ZNF521: variants seen among roughly 807,000 people sequenced by gnomAD.
ZNF521 encodes the protein zinc finger protein 521, also known as LYST-interacting protein 3.
A neutral mutation model predicts 105.5 loss-of-function variants in ZNF521; 14 were observed. The ratio of observed to expected loss-of-function variants is 0.13; its 90% CI spans 0.09 to 0.21. The LOEUF is 0.21. Among genes scored for constraint, ZNF521 ranks in the 10% least tolerant of loss-of-function variants. The probability of loss-of-function intolerance (pLI) is 1.00; values close to 1 mark genes in which losing one functional copy is unlikely to be tolerated. For missense variants in ZNF521, 1,233 were observed against 1,629.7 expected (o/e 0.76, Z 4.19); for synonymous variants, 635 against 606.0 (o/e 1.05, Z -0.70).
chr18:25,163,931 C>G (rs1033941662), intron 5 of ZNF521, among the ~76,000 whole-genome samples: 2 of 152,000 alleles, frequency 1.3e-5, no homozygotes, highest in South Asian at 4.2e-4. Context: ...TAGGAAGGTC[C>G]CAGAAGGAGT....
chr18:25,257,269 C>G (rs139772841), intron 3 of ZNF521, among the ~76,000 whole-genome samples: 2 of 151,924 alleles, frequency 1.3e-5, no homozygotes, highest in African/African-American at 4.8e-5. Context: ...AAGTTCATAC[C>G]CATTTCAATC....
At chr18:25,211,180 A>G (rs1259701955) in intron 4 of ZNF521, among the ~76,000 whole-genome samples, 2 of 152,248 alleles carry the variant, frequency 1.3e-5, no homozygotes, top group Non-Finnish European at 2.9e-5. Context: ...ACTTGTAGTA[A>G]TGAACAGGTT....
intron 5 of ZNF521, among the ~76,000 whole-genome samples, chr18:25,169,325 G>T (rs1342124370): frequency 6.6e-6 from 1 of 152,058 alleles, no homozygotes; most frequent in East Asian, 1.9e-4. Flanking sequence ...CCCAGTACTG[G>T]TATTTTCAAT....
Position 25,192,698 on chromosome 18 carries a change from A to G in ZNF521, c.3658+2462T>C, listed in dbSNP as rs574142091. Among the ~76,000 whole-genome samples the G allele has an allele frequency of 4.1e-5, 6 of 147,046 alleles. No homozygotes were observed. In the East Asian group the frequency reaches 1.2e-3, roughly 29 times the overall value. On this transcript the variant is annotated intron_variant, in intron 5 of 7. Coordinates refer to ENST00000361524, the MANE Select transcript of ZNF521 (RefSeq NM_015461.3). ...ATTATTTTTTGATTAGACAAAAAAA[A>G]AAAACCACACACAGATACACAACCT... is the stretch of plus-strand genomic sequence containing the variant.
At chr18:25,192,822 T>TA (rs1490012053) in intron 5 of ZNF521, among the ~76,000 whole-genome samples, 6 of 152,102 alleles carry the variant, frequency 3.9e-5, no homozygotes, top group African/African-American at 1.4e-4. Flanking sequence ...TAAAAAGGGG[T>TA]ATCTTAGCCT....
chr18:25,190,406 C>T (rs928401151), intron 5 of ZNF521, among the ~76,000 whole-genome samples: 6 of 152,092 alleles, frequency 3.9e-5, no homozygotes, highest in African/African-American at 1.4e-4. Flanking sequence ...TGATCCATTT[C>T]TATTCATTCT....
In ZNF521 at chr18:25,226,827, G is replaced by A; in HGVS notation, c.1091C>T (p.Ser364Leu). 1 of 1,614,046 alleles carries A rather than the reference G, an allele frequency of 6.2e-7. No individual in the cohort carries two copies. Among genetic ancestry groups the A allele is most frequent in the Non-Finnish European group, 8.5e-7 (1 of 1,180,004 alleles). ...VSSTTPDSNL[S>L]VDSSTMVEAA... ...TTCCACCATGGTTGAGCTGTCCACTGAGAGGTTGGAATCTGGAGTCGTACT... is the reference window on the plus strand; with the variant it reads ...TTCCACCATGGTTGAGCTGTCCACTAAGAGGTTGGAATCTGGAGTCGTACT... The change falls in exon 4 of 8, where the codon TCA (serine) becomes TTA (leucine). Residue 364 changes from serine to leucine, a missense_variant. This residue lies in a region of ZNF521 where 380 missense variants were observed against 478.0 expected (regional missense o/e 0.80). Transcript: ENST00000361524. This position sits in a 1 kb window ranked among gnomAD's most constrained non-coding sequence, Gnocchi z 4.1.
At chr18:25,117,125 C>A (rs1488843019) in intron 5 of ZNF521, among the ~76,000 whole-genome samples, 1 of 149,836 alleles carries the variant, frequency 6.7e-6, no homozygotes, top group Non-Finnish European at 1.5e-5. Flanking sequence ...CAGTCCTGCT[C>A]TTGTATGGTT....
At chr18:25,324,541 C>G (rs898583452) in intron 2 of ZNF521, among the ~76,000 whole-genome samples, 2 of 152,088 alleles carry the variant, frequency 1.3e-5, no homozygotes, top group East Asian at 1.9e-4. Flanking sequence ...CATTAAAACA[C>G]TTATTGGAAG....
At chr18:25,072,744 T>C (rs2033258533) in intron 7 of ZNF521, among the ~76,000 whole-genome samples, 1 of 152,200 alleles carries the variant, frequency 6.6e-6, no homozygotes, top group Non-Finnish European at 1.5e-5. Flanking sequence ...GATTCTGGAA[T>C]TGCAGGATTC....
chr18:25,080,007 T>C (rs1014585328), intron 7 of ZNF521, among the ~76,000 whole-genome samples: 3 of 152,204 alleles, frequency 2.0e-5, no homozygotes, highest in African/African-American at 7.2e-5. Context: ...GGAAGTCTTT[T>C]ATGGGCGCTT....
intron 2 of ZNF521, among the ~76,000 whole-genome samples, chr18:25,343,783 A>G (rs1356504683): frequency 6.6e-6 from 1 of 152,196 alleles, no homozygotes; most frequent in Non-Finnish European, 1.5e-5. Context: ...CCATAGAATT[A>G]AAAGAGATGC....
At chr18:25,215,224 A>C (rs1348498345) in intron 4 of ZNF521, among the ~76,000 whole-genome samples, 1 of 152,212 alleles carries the variant, frequency 6.6e-6, no homozygotes, top group Non-Finnish European at 1.5e-5. Context: ...CACATTTAAA[A>C]GATAAAAAAG....
chr18:25,200,195 T>C (rs1365805504), intron 4 of ZNF521, among the ~76,000 whole-genome samples: 8 of 152,012 alleles, frequency 5.3e-5, no homozygotes, highest in Middle Eastern at 6.8e-3. Context: ...AGGTTTTCCA[T>C]ATAATTAAGT....
At chr18:25,342,821 AAGAC>A (rs1434930275) in intron 2 of ZNF521, among the ~76,000 whole-genome samples, 1 of 152,122 alleles carries the variant, frequency 6.6e-6, no homozygotes, top group Non-Finnish European at 1.5e-5. Flanking sequence ...TAACACAACT[AAGAC>A]AACCTAAATC....
chr18:25,117,082 C>CACACATACAT (rs1449131209), intron 5 of ZNF521, among the ~76,000 whole-genome samples: 1 of 81,272 alleles, frequency 1.2e-5, no homozygotes, highest in Non-Finnish European at 2.4e-5. Context: ...CACACACACA[C>CACACATACAT]ATACACACAT....
intron 2 of ZNF521, among the ~76,000 whole-genome samples, chr18:25,336,811 G>T (rs573184596): frequency 6.6e-6 from 1 of 152,340 alleles, no homozygotes; most frequent in Non-Finnish European, 1.5e-5. Flanking sequence ...GAATAGAAAA[G>T]AGTTGTATGC....
chr18:25,133,134 C>T (rs1000222768), intron 5 of ZNF521, among the ~76,000 whole-genome samples: 7 of 152,136 alleles, frequency 4.6e-5, no homozygotes, highest in African/African-American at 1.4e-4. Context: ...TTCATATATT[C>T]CATTTCAAGG....
chr18:25,122,226 G>C (rs1325883500), intron 5 of ZNF521, among the ~76,000 whole-genome samples: 1 of 151,954 alleles, frequency 6.6e-6, no homozygotes, highest in Non-Finnish European at 1.5e-5. Flanking sequence ...CAGAGCAACA[G>C]AAACTATCCA....
Sources: allele counts gnomAD v4.1 joint callset (sites outside exome capture counted in the v4.1 genomes callset), GRCh38; gene constraint gnomAD v4.1.1; regional missense constraint gnomAD v4.1.1; non-coding constraint Gnocchi (gnomAD v3.1); transcripts MANE v1.5; gene names NCBI Gene and HGNC (gene_info 2026-07-23, HGNC 2026-07-21).